The following ASTN2 variants were observed in gnomAD, a reference collection of about 807,000 sequenced individuals.
The protein encoded by ASTN2 is astrotactin 2, also known as astrotactin-2.
In ASTN2, 54 loss-of-function variants were observed where a neutral mutation model predicts 139.8. That is an observed-to-expected ratio of 0.39 (90% confidence interval 0.31 to 0.48). The LOEUF is 0.48. Ranked by LOEUF, ASTN2 falls within the 20% of genes least tolerant of loss-of-function variation. ASTN2 has a pLI of 0.95. For missense variants in ASTN2, 1,565 were observed against 1,725.1 expected, an observed-to-expected ratio of 0.91 and a Z score of 1.64; for synonymous variants, 756 against 719.5, an observed-to-expected ratio of 1.05 and a Z score of -0.81.
At chr9:116,877,214 C>T (rs1473096852) in intron 10 of ASTN2, among the ~76,000 whole-genome samples, 8 of 152,206 alleles carry the variant, frequency 5.3e-5, no homozygotes, top group African/African-American at 1.9e-4. Context: ...AACCCCTTCC[C>T]TCCTTTGTTA....
At chr9:117,036,607 A>G (rs1838391297) in intron 6 of ASTN2, among the ~76,000 whole-genome samples, 1 of 152,086 alleles carries the variant, frequency 6.6e-6, no homozygotes, top group African/African-American at 2.4e-5. Flanking sequence ...TCATCCCCCC[A>G]GGGCCAGATA....
chr9:116,668,964 G>A (rs1859030220), intron 16 of ASTN2, among the ~76,000 whole-genome samples: 1 of 152,158 alleles, frequency 6.6e-6, no homozygotes, highest in Non-Finnish European at 1.5e-5. Flanking sequence ...GGCTAGGGCA[G>A]AAGCAGCTTT....
intron 19 of ASTN2, among the ~76,000 whole-genome samples, chr9:116,523,941 A>C (rs961675806): frequency 5.9e-5 from 9 of 152,198 alleles, no homozygotes; most frequent in Non-Finnish European, 1.2e-4. Flanking sequence ...GGGGTTACAG[A>C]TGCATGGACT....
At chr9:117,059,569 T>C (rs985899097) in intron 5 of ASTN2, among the ~76,000 whole-genome samples, 1 of 152,034 alleles carries the variant, frequency 6.6e-6, no homozygotes, top group Non-Finnish European at 1.5e-5. Flanking sequence ...GCCGAGATCA[T>C]GCCACTGCAC....
intron 7 of ASTN2, among the ~76,000 whole-genome samples, chr9:117,004,235 T>G (rs1837291981): frequency 6.6e-6 from 1 of 152,054 alleles, no homozygotes. Flanking sequence ...CCCTCCCACC[T>G]CAGCTTCTAG....
intron 4 of ASTN2, among the ~76,000 whole-genome samples, chr9:117,125,971 C>A (rs147967736): frequency 1.3e-4 from 20 of 152,136 alleles, no homozygotes; most frequent in African/African-American, 4.8e-4. Flanking sequence ...GTGATGGGGA[C>A]AATTAGACCT....
chr9:117,202,599 G>A (rs1467673197), intron 3 of ASTN2, among the ~76,000 whole-genome samples: 2 of 152,106 alleles, frequency 1.3e-5, no homozygotes, highest in African/African-American at 4.8e-5. Flanking sequence ...TGCTTATGAA[G>A]CTTAGTTTGG....
intron 10 of ASTN2, among the ~76,000 whole-genome samples, chr9:116,964,856 T>C (rs1230625262): frequency 1.3e-5 from 2 of 152,184 alleles, no homozygotes; most frequent in African/African-American, 4.8e-5. Flanking sequence ...TGAGATAACA[T>C]AGATGGATGG....
At chr9:116,741,148 C>T (rs901158966) in intron 13 of ASTN2, among the ~76,000 whole-genome samples, 7 of 152,094 alleles carry the variant, frequency 4.6e-5, no homozygotes, top group African/African-American at 9.7e-5. Flanking sequence ...TGCTGCCTGC[C>T]GCCCCCTTTT....
intron 10 of ASTN2, among the ~76,000 whole-genome samples, chr9:116,955,990 C>T (rs535779346): frequency 1.2e-3 from 190 of 152,150 alleles, no homozygotes; most frequent in South Asian, 2.3e-3. Context: ...CAGAATTTCC[C>T]AACATTGGCT....
chr9:117,253,223 G>A (rs892213835), intron 2 of ASTN2, among the ~76,000 whole-genome samples: 1 of 152,138 alleles, frequency 6.6e-6, no homozygotes, highest in African/African-American at 2.4e-5. Context: ...CTCCACACCT[G>A]GGTCCATTTG....
Position 117,214,661 on chromosome 9 carries a change from G to A in ASTN2, c.712C>T (p.Arg238Cys), listed in dbSNP as rs1461839240. ...GTGCTTGCGCTCTTCTGGGGGATGC[G>A]GCGACGCTTCTGCCAACGTCGCTGG... The part of the protein sequence containing the change: ...YAQRRWQKRR[R>C]IPQKSASTEA... The change falls in exon 3 of 23, where the codon CGC becomes TGC. Residue 238 changes from arginine (R) to cysteine (C), a missense_variant. By Grantham distance (180) the Arg-to-Cys change is radical. Transcript: ENST00000313400. 1 of 1,546,450 alleles carries A rather than the reference G, an allele frequency of 6.5e-7. No individual in the cohort carries two copies. Among genetic ancestry groups the A allele is most frequent in the Non-Finnish European group, 8.8e-7 (1 of 1,138,370 alleles).
chr9:117,079,357 A>G (rs1308120940), intron 5 of ASTN2, among the ~76,000 whole-genome samples: 4 of 152,044 alleles, frequency 2.6e-5, no homozygotes, highest in Non-Finnish European at 5.9e-5. Flanking sequence ...CCCTGTCGAG[A>G]GAGAGTGAGA....
At chr9:116,513,339 T>C (rs1587916228) in intron 19 of ASTN2, among the ~76,000 whole-genome samples, 1 of 152,350 alleles carries the variant, frequency 6.6e-6, no homozygotes. Flanking sequence ...CCCACTCTCT[T>C]CTGGCTTGTA....
chr9:116,839,316 T>A (rs1832119049), intron 11 of ASTN2, among the ~76,000 whole-genome samples: 1 of 152,078 alleles, frequency 6.6e-6, no homozygotes, highest in Admixed American at 6.6e-5. Flanking sequence ...CTCGGCTAAT[T>A]TTATTTTTAT....
chr9:116,760,743 G>A (rs1829653219), intron 13 of ASTN2, among the ~76,000 whole-genome samples: 1 of 152,132 alleles, frequency 6.6e-6, no homozygotes, highest in African/African-American at 2.4e-5. Flanking sequence ...AAGGGAGTGG[G>A]GGTGGCAGGG....
intron 1 of ASTN2, among the ~76,000 whole-genome samples, chr9:117,330,551 T>C (rs968728287): frequency 1.3e-5 from 2 of 152,150 alleles, no homozygotes; most frequent in African/African-American, 2.4e-5. Context: ...AGCTTGACCA[T>C]TGGTGTGAGA....
At chr9:117,225,278 C>T (rs1832666230) in intron 2 of ASTN2, among the ~76,000 whole-genome samples, 2 of 151,844 alleles carry the variant, frequency 1.3e-5, no homozygotes, top group Non-Finnish European at 2.9e-5. Context: ...AGCCATTTAA[C>T]ACAAGTCAGC....
intron 20 of ASTN2, among the ~76,000 whole-genome samples, chr9:116,480,732 C>T (rs1849140445): frequency 6.6e-6 from 1 of 152,086 alleles, no homozygotes; most frequent in Non-Finnish European, 1.5e-5. Flanking sequence ...TGGGAAGAGT[C>T]AAGGGAAGGA....
Sources: gnomAD v4.1 joint callset for allele counts (sites outside exome capture counted in the v4.1 genomes callset) on GRCh38, gnomAD v4.1.1 for gene constraint, MANE v1.5 for transcripts, NCBI Gene and HGNC (gene_info 2026-07-23, HGNC 2026-07-21) for gene names.